The following EDDM13 variants were observed in gnomAD, a reference collection of about 807,000 sequenced individuals.
EDDM13 encodes epididymal protein 13.
In EDDM13, 24 loss-of-function variants were observed where a neutral mutation model predicts 17.8. The observed-to-expected ratio is 1.35, with a 90% confidence interval of 0.98 to 1.90. The LOEUF is 1.90. Among genes scored for constraint, EDDM13 ranks in the 40% most tolerant of loss-of-function variants. EDDM13 has a pLI of 0.00. For missense variants in EDDM13, 97 were observed against 100.8 expected (o/e 0.96, Z 0.16); for synonymous variants, 31 against 37.5 (o/e 0.83, Z 0.63).
intron 5 of EDDM13, among the ~76,000 whole-genome samples, chr19:56,284,508 C>G (rs1163048154): frequency 9.0e-6 from 1 of 111,400 alleles, no homozygotes. Context: ...GTGATGCTTG[C>G]TGTAATTTTT....
intron 12 of EDDM13, 61 bp from the exon 13 acceptor site, chr19:56,301,907 G>T: frequency 1.6e-6 from 2 of 1,231,708 alleles, no homozygotes; most frequent in Non-Finnish European, 2.0e-6. Flanking sequence ...AGCAGTGACA[G>T]GAAGCTCTAA....
intron 1 of EDDM13, among the ~76,000 whole-genome samples, chr19:56,275,234 A>G (rs2038159588): frequency 6.6e-6 from 1 of 152,096 alleles, no homozygotes; most frequent in South Asian, 2.1e-4. Context: ...TTCTCCTCCA[A>G]TTTTTGCCCA....
chr19:56,302,613 C>T (rs566632593), intron 13 of EDDM13, among the ~76,000 whole-genome samples: 9 of 112,516 alleles, frequency 8.0e-5, no homozygotes, highest in South Asian at 3.7e-4. Context: ...CTTCCTCTCC[C>T]TCTTCCTCCC....
intron 13 of EDDM13, among the ~76,000 whole-genome samples, chr19:56,302,528 C>CCTCGT: frequency 1.2e-5 from 1 of 86,644 alleles, no homozygotes; most frequent in Non-Finnish European, 2.9e-5. Context: ...CTCCCTCCCT[C>CCTCGT]CCTCTTCTTC....
At position 56,302,968 on chromosome 19, in the gene EDDM13, A is replaced by G. The variant is rs532495568; in HGVS notation, c.423+873A>G. On this transcript the variant is annotated intron_variant, in intron 13 of 14. Transcript: ENST00000649256. Reference sequence around the variant, plus strand: ...AGAGAGAACCAGATCACCGAGTGGTAGCACTTCATGAGCAGGTGCTAGTGC... The same window carrying G: ...AGAGAGAACCAGATCACCGAGTGGTGGCACTTCATGAGCAGGTGCTAGTGC... 2.0e-5 allele frequency: 8 copies of G among 398,058 alleles called. No homozygotes were observed. In the South Asian group the frequency reaches 9.0e-4, roughly 45 times the overall value. The allele number at this position is 398,058 out of a possible 1,614,324, so 24.7% of individuals were successfully genotyped here.
chr19:56,292,811 G>C (rs570443178), intron 9 of EDDM13, among the ~76,000 whole-genome samples: 1 of 152,172 alleles, frequency 6.6e-6, no homozygotes, highest in Non-Finnish European at 1.5e-5. Context: ...AAGTAGAATC[G>C]TACACGATGT....
At chr19:56,303,494 A>G (rs2040482197) in intron 13 of EDDM13, among the ~76,000 whole-genome samples, 1 of 151,456 alleles carries the variant, frequency 6.6e-6, no homozygotes, top group African/African-American at 2.4e-5. Flanking sequence ...TAGAAAAAAA[A>G]AGAAGGAAAG....
intron 8 of EDDM13, among the ~76,000 whole-genome samples, chr19:56,290,115 T>C (rs2039415496): frequency 6.6e-6 from 1 of 152,246 alleles, no homozygotes; most frequent in Admixed American, 6.5e-5. Context: ...CAGATTTCTT[T>C]GTTCTACCTG....
chr19:56,309,188 G>A (rs980315506), intron 14 of EDDM13, among the ~76,000 whole-genome samples: 2 of 152,222 alleles, frequency 1.3e-5, no homozygotes, highest in African/African-American at 4.8e-5. Context: ...CTGAGTGAAA[G>A]AAGCAGACAC....
chr19:56,299,159 T>C (rs182731282), intron 12 of EDDM13, among the ~76,000 whole-genome samples: 63 of 152,094 alleles, frequency 4.1e-4, no homozygotes, highest in Non-Finnish European at 8.5e-4. Context: ...TGAGACACGG[T>C]CTAGCTTTGT....
Position 56,276,385 on chromosome 19 carries a change from C to T in EDDM13, c.103+276C>T, listed in dbSNP as rs146507240. ...AGCATTTATCAGGGAAGAGAGACTTCGGGCAGATCTCCATTAGAATAACAC... is the reference window on the plus strand; with the variant it reads ...AGCATTTATCAGGGAAGAGAGACTTTGGGCAGATCTCCATTAGAATAACAC... On this transcript the variant is annotated intron_variant, in intron 2 of 14. Coordinates refer to ENST00000649256, the MANE Select transcript of EDDM13 (RefSeq NM_001354658.2). 6.0e-3 allele frequency among the ~76,000 whole-genome samples: 914 copies of T among 152,122 alleles called. 14 individuals carry two copies. Among genetic ancestry groups the T allele is most frequent in the African/African-American group, 0.021 (868 of 41,496 alleles).
At chr19:56,309,041 C>G (rs1373815814) in intron 14 of EDDM13, among the ~76,000 whole-genome samples, 1 of 152,214 alleles carries the variant, frequency 6.6e-6, no homozygotes, top group Non-Finnish European at 1.5e-5. Context: ...ACACTGATGG[C>G]TGTGACTGTA....
At chr19:56,285,484 T>C (rs2039036463) in intron 6 of EDDM13, among the ~76,000 whole-genome samples, 1 of 152,236 alleles carries the variant, frequency 6.6e-6, no homozygotes, top group South Asian at 2.1e-4. Flanking sequence ...ACCTGAGAAA[T>C]GCTTCGTGTG....
rs140550371 is a variant in EDDM13 at position 56,287,144 on chromosome 19, T to C, written c.155-1241T>C. Among the ~76,000 whole-genome samples, 930 of 152,360 alleles carry C rather than the reference T, an allele frequency of 6.1e-3. 8 individuals are homozygous for C. Among genetic ancestry groups the C allele is most frequent in the African/African-American group, 0.021 (861 of 41,590 alleles). Reference sequence around the variant, plus strand: ...CTCCTGTGATGACAGTTTCCGAGTTTTGTCCATCTTAGGTGGTGAAACCAC... The same window carrying C: ...CTCCTGTGATGACAGTTTCCGAGTTCTGTCCATCTTAGGTGGTGAAACCAC... On this transcript the variant is annotated intron_variant, in intron 6 of 14. Transcript: ENST00000649256.
chr19:56,304,901 C>T, intron 14 of EDDM13, 71 bp downstream of exon 14: 1 of 585,014 alleles, frequency 1.7e-6, no homozygotes, highest in African/African-American at 2.0e-5. Flanking sequence ...TCCCAACTGC[C>T]TGGCATTTGA....
At chr19:56,296,403 C>A (rs2039876315) in intron 11 of EDDM13, 41 bp downstream of exon 11, 1 of 149,650 alleles carries the variant, frequency 6.7e-6, no homozygotes, top group South Asian at 2.2e-4. Flanking sequence ...CTCCTGTGCA[C>A]AGAAATATAC....
At chr19:56,289,104 G>A (rs781720452) in intron 8 of EDDM13, among the ~76,000 whole-genome samples, 4 of 152,192 alleles carry the variant, frequency 2.6e-5, no homozygotes, top group Non-Finnish European at 5.9e-5. Flanking sequence ...TCTGCAAGGG[G>A]AGAGTGGGAA....
chr19:56,276,192 A>G (rs930624874), intron 2 of EDDM13, among the ~76,000 whole-genome samples, 83 bp downstream of exon 2: 4 of 152,172 alleles, frequency 2.6e-5, no homozygotes, highest in Non-Finnish European at 5.9e-5. Flanking sequence ...CTCTCTGGCA[A>G]TTCTGGGGAA....
intron 9 of EDDM13, among the ~76,000 whole-genome samples, 64 bp downstream of exon 9, chr19:56,290,910 AC>A (rs2039466258): frequency 6.6e-6 from 1 of 152,094 alleles, no homozygotes; most frequent in Non-Finnish European, 1.5e-5. Context: ...AGAAGAGGCA[AC>A]TATCCAAAGA....
Sources: allele counts gnomAD v4.1 joint callset (sites outside exome capture counted in the v4.1 genomes callset), GRCh38; gene constraint gnomAD v4.1.1; transcripts MANE v1.5; gene names NCBI Gene and HGNC (gene_info 2026-07-23, HGNC 2026-07-21).